CDH13: variants seen among roughly 807,000 people sequenced by gnomAD.
The protein encoded by CDH13 is cadherin-13.
In CDH13, 24 loss-of-function variants were observed where a neutral mutation model predicts 63.8. That is an observed-to-expected ratio of 0.38 (90% CI 0.27 to 0.53). CDH13 has a LOEUF of 0.53. Among genes scored for constraint, CDH13 ranks in the 20% least tolerant of loss-of-function variants. CDH13 has a pLI of 0.85. For missense variants in CDH13, 1,049 were observed against 903.1 expected (o/e 1.16, Z -2.07); for synonymous variants, 503 against 355.3 (o/e 1.42, Z -4.67).
At chr16:83,476,711 A>G (rs144064813) in intron 6 of CDH13, among the ~76,000 whole-genome samples, 12 of 152,320 alleles carry the variant, frequency 7.9e-5, no homozygotes, top group Middle Eastern at 3.4e-3. Flanking sequence ...ACAAACAAAA[A>G]AAACCACACC....
intron 1 of CDH13, among the ~76,000 whole-genome samples, chr16:82,681,265 T>C (rs1914513738): frequency 6.6e-6 from 1 of 152,206 alleles, no homozygotes; most frequent in Admixed American, 6.5e-5. Context: ...CCATACCGTG[T>C]GGTTCCATTT....
intron 1 of CDH13, among the ~76,000 whole-genome samples, chr16:82,751,048 C>T (rs2034393083): frequency 1.3e-5 from 2 of 152,226 alleles, no homozygotes; most frequent in African/African-American, 4.8e-5. Flanking sequence ...CATCCTCCTC[C>T]TTCCTGATCT....
chr16:83,586,900 T>A (rs1357078690), intron 7 of CDH13, among the ~76,000 whole-genome samples: 7 of 152,194 alleles, frequency 4.6e-5, no homozygotes, highest in Admixed American at 1.3e-4. Context: ...TTCCCTCAGA[T>A]GATTTAGAAT....
At chr16:82,992,602 T>C (rs1911779666) in intron 2 of CDH13, among the ~76,000 whole-genome samples, 2 of 152,176 alleles carry the variant, frequency 1.3e-5, no homozygotes, top group African/African-American at 2.4e-5. Context: ...ACTAAATGTT[T>C]GTATGATCAA....
chr16:83,356,972 C>T (rs2091068999), intron 6 of CDH13, among the ~76,000 whole-genome samples: 1 of 152,152 alleles, frequency 6.6e-6, no homozygotes, highest in African/African-American at 2.4e-5. Flanking sequence ...TTTCTTGCTC[C>T]AGTTTTCCAC....
At chr16:82,882,419 T>G (rs941904654) in intron 2 of CDH13, among the ~76,000 whole-genome samples, 18 of 152,152 alleles carry the variant, frequency 1.2e-4, no homozygotes, top group Non-Finnish European at 2.6e-4. Context: ...CCGCTGCCAA[T>G]GACCACCAGC....
intron 8 of CDH13, among the ~76,000 whole-genome samples, chr16:83,649,713 G>C (rs142685317): frequency 0.013 from 1,951 of 152,190 alleles, 23 homozygotes; most frequent in African/African-American, 0.028. Context: ...TTCCAGGTTG[G>C]GGATGCTGAA....
Position 82,971,024 on chromosome 16 carries a change from A to G in CDH13, c.158-60986A>G, listed in dbSNP as rs528741430. Among the ~76,000 whole-genome samples, 322 of 152,308 alleles carry G rather than the reference A, an allele frequency of 2.1e-3. 2 individuals carry two copies. The highest frequency in any genetic ancestry group is 0.017 in the Middle Eastern group (5 of 294). On this transcript the variant is annotated intron_variant, in intron 2 of 13. Transcript: ENST00000567109. ...AGCAGACACTGTAGGTGCTCCACCT[A>G]TATCCTTTCCTTTTACCATTCTGGG...
chr16:83,025,200 T>G (rs1206157686), intron 2 of CDH13, among the ~76,000 whole-genome samples: 1 of 152,208 alleles, frequency 6.6e-6, no homozygotes. Flanking sequence ...TGTTTACACA[T>G]GCCATAAGGA....
At chr16:83,102,513 A>G (rs2034531973) in intron 3 of CDH13, among the ~76,000 whole-genome samples, 1 of 152,090 alleles carries the variant, frequency 6.6e-6, no homozygotes, top group Non-Finnish European at 1.5e-5. Flanking sequence ...AGATGACATG[A>G]GATTACATGA....
At chr16:83,023,027 A>G (rs759437354) in intron 2 of CDH13, 4 of 152,242 alleles carry the variant, frequency 2.6e-5, no homozygotes, top group Non-Finnish European at 5.9e-5. Flanking sequence ...TAGGAAATCT[A>G]TGCCTTTTGG....
At chr16:83,005,671 G>A (rs1455665698) in intron 2 of CDH13, among the ~76,000 whole-genome samples, 3 of 152,190 alleles carry the variant, frequency 2.0e-5, no homozygotes, top group Non-Finnish European at 4.4e-5. Flanking sequence ...TCTCATCACA[G>A]CTCATGCATG....
intron 1 of CDH13, among the ~76,000 whole-genome samples, chr16:82,757,599 G>A (rs958324754): frequency 4.6e-5 from 7 of 151,820 alleles, no homozygotes; most frequent in Non-Finnish European, 7.4e-5. Flanking sequence ...TTTGACTACC[G>A]CAGCTTGCAA....
chr16:83,541,072 C>G (rs534558859), intron 7 of CDH13, among the ~76,000 whole-genome samples: 1 of 152,124 alleles, frequency 6.6e-6, no homozygotes, highest in Non-Finnish European at 1.5e-5. Context: ...CACTCCCGCT[C>G]AATCCCCAGG....
intron 5 of CDH13, among the ~76,000 whole-genome samples, chr16:83,239,644 C>G (rs1156691566): frequency 6.6e-6 from 1 of 152,134 alleles, no homozygotes; most frequent in Non-Finnish European, 1.5e-5. Flanking sequence ...TTTTCTGGAG[C>G]TAAATCTGTC....
intron 7 of CDH13, among the ~76,000 whole-genome samples, chr16:83,517,044 T>C (rs1390881345): frequency 6.6e-6 from 1 of 152,174 alleles, no homozygotes; most frequent in Non-Finnish European, 1.5e-5. Context: ...GACTGTCGTG[T>C]TTTCCCAGTT....
chr16:82,978,990 A>C (rs557064662), intron 2 of CDH13, among the ~76,000 whole-genome samples: 5 of 152,338 alleles, frequency 3.3e-5, no homozygotes, highest in Non-Finnish European at 7.3e-5. Flanking sequence ...GAGCTGCCCA[A>C]GATCATGGGA....
chr16:83,713,597 T>G (rs1908416594), intron 10 of CDH13, among the ~76,000 whole-genome samples: 1 of 152,138 alleles, frequency 6.6e-6, no homozygotes, highest in Admixed American at 6.5e-5. Context: ...TGTTCATCTA[T>G]CGGCTGGGAC....
At chr16:83,324,687 T>A (rs1011645254) in intron 5 of CDH13, among the ~76,000 whole-genome samples, 2 of 152,248 alleles carry the variant, frequency 1.3e-5, no homozygotes, top group African/African-American at 2.4e-5. Flanking sequence ...TTGACTATTA[T>A]GAATAATACT....
Sources: gnomAD v4.1 joint callset for allele counts (sites outside exome capture counted in the v4.1 genomes callset) on GRCh38, gnomAD v4.1.1 for gene constraint, MANE v1.5 for transcripts, NCBI Gene and HGNC (gene_info 2026-07-23, HGNC 2026-07-21) for gene names.